PI4KA: variants seen among roughly 807,000 people sequenced by gnomAD.
PI4KA encodes phosphatidylinositol 4-kinase alpha, also known as PI4-kinase alpha.
Under a neutral mutation model 271.4 loss-of-function variants are expected in PI4KA, and 122 were observed. That is an observed-to-expected ratio of 0.45 (90% confidence interval 0.39 to 0.52). The LOEUF is 0.52. Among genes scored for constraint, PI4KA ranks in the 20% least tolerant of loss-of-function variants. The pLI is 0.00. For synonymous variants in PI4KA, 1,041 were observed against 1,078.8 expected (o/e 0.96, Z 0.69); for missense variants, 1,969 against 2,769.1 (o/e 0.71, Z 6.48).
intron 39 of PI4KA, 141 bp from the exon 40 acceptor site, chr22:20,728,005 C>T (rs1009409887): frequency 2.9e-5 from 17 of 576,462 alleles, no homozygotes; most frequent in Admixed American, 7.0e-5. Context: ...TGGGTACAAA[C>T]AAATAGAAAG....
At chr22:20,784,150 A>G (rs376934872) in intron 19 of PI4KA, 2 of 1,614,148 alleles carry the variant, frequency 1.2e-6, no homozygotes, top group South Asian at 1.1e-5. Context: ...TCAGCATGCT[A>G]ATTGTGGTCC....
intron 10 of PI4KA, among the ~76,000 whole-genome samples, chr22:20,805,938 T>C (rs1204165781): frequency 2.0e-5 from 3 of 152,080 alleles, no homozygotes; most frequent in East Asian, 1.9e-4. Context: ...CACCCTGAGT[T>C]TGAGAGACTT....
At chr22:20,762,830 T>C (rs2147384022) in intron 22 of PI4KA, among the ~76,000 whole-genome samples, 1 of 152,222 alleles carries the variant, frequency 6.6e-6, no homozygotes, top group Admixed American at 6.5e-5. Context: ...TTTTGCAAGA[T>C]TTTGTATAAA....
chr22:20,732,733 C>A (rs1368408662), intron 36 of PI4KA, among the ~76,000 whole-genome samples: 1 of 152,204 alleles, frequency 6.6e-6, no homozygotes, highest in South Asian at 2.1e-4. Flanking sequence ...AGGGAAAGTG[C>A]GGTGAGTGGA....
intron 8 of PI4KA, among the ~76,000 whole-genome samples, chr22:20,811,336 G>A (rs1920989078): frequency 6.6e-6 from 1 of 152,100 alleles, no homozygotes; most frequent in Non-Finnish European, 1.5e-5. Context: ...CTCAGGCCTT[G>A]CTGCCATTTC....
intron 45 of PI4KA, among the ~76,000 whole-genome samples, chr22:20,716,195 C>A (rs1005910347): frequency 6.6e-6 from 1 of 152,170 alleles, no homozygotes; most frequent in Non-Finnish European, 1.5e-5. Flanking sequence ...GGACTACAGG[C>A]GCCCGCCACC....
chr22:20,737,178 T>A lies in PI4KA; in HGVS notation c.3742-2625A>T, dbSNP rs1601369486. The stretch of plus-strand genomic sequence containing the variant: ...GTACCCAGGCAGGGAGGAGGAGCCC[T>A]GGGGCATGCCAGTACTGAGAAGGCC... On this transcript the variant is annotated intron_variant, in intron 32 of 54. Transcript: ENST00000255882. Among the ~76,000 whole-genome samples the A allele has an allele frequency of 2.0e-5, 3 of 152,280 alleles. No individual in the cohort carries two copies. The South Asian group carries it at 6.2e-4, about 32-fold the overall frequency.
chr22:20,781,533 C>T (rs1933799447), intron 19 of PI4KA, among the ~76,000 whole-genome samples: 1 of 152,236 alleles, frequency 6.6e-6, no homozygotes, highest in African/African-American at 2.4e-5. Context: ...CTGATCTGTC[C>T]ACACACCTGC....
At chr22:20,826,575 G>A (rs927869349) in intron 3 of PI4KA, among the ~76,000 whole-genome samples, 8 of 152,274 alleles carry the variant, frequency 5.3e-5, no homozygotes, top group South Asian at 4.1e-4. Context: ...CCAATAATGG[G>A]ATTGCTGGGT....
At position 20,707,697 on chromosome 22, in the gene PI4KA, C is replaced by T. The variant is rs5760136; in HGVS notation, c.*350G>A. 0.16 allele frequency: 54,337 copies of T among 336,990 alleles called. 5,040 individuals carry two copies. The highest frequency in any genetic ancestry group is 0.28 in the Middle Eastern group (279 of 992). 20.9% of individuals were successfully genotyped at this position (336,990 alleles called of 1,614,324 possible). ...TGACACAAAACCTCACAGATTCCAA[C>T]ACAGCACTATTTTGGGTTTTTATTT... On this transcript the variant is annotated 3_prime_UTR_variant, in exon 55 of 55. Coordinates refer to ENST00000255882, the MANE Select transcript of PI4KA (RefSeq NM_058004.4).
intron 39 of PI4KA, among the ~76,000 whole-genome samples, chr22:20,728,467 C>G (rs1351155243): frequency 6.6e-6 from 1 of 152,176 alleles, no homozygotes; most frequent in African/African-American, 2.4e-5. Context: ...AAAACCCCTG[C>G]CTCTTACTCC....
intron 23 of PI4KA, among the ~76,000 whole-genome samples, chr22:20,758,388 A>C (rs968075369): frequency 4.4e-5 from 3 of 67,630 alleles, no homozygotes; most frequent in Non-Finnish European, 8.6e-5. Flanking sequence ...AAAAAAAAAA[A>C]ACATGAGATT....
At chr22:20,792,431 A>AT (rs1934703437) in intron 19 of PI4KA, among the ~76,000 whole-genome samples, 1 of 152,290 alleles carries the variant, frequency 6.6e-6, no homozygotes, top group East Asian at 1.9e-4. Context: ...TACAAGGTGA[A>AT]GGGGACACAT....
At chr22:20,741,079 C>A (rs2147281204) in intron 32 of PI4KA, among the ~76,000 whole-genome samples, 1 of 152,204 alleles carries the variant, frequency 6.6e-6, no homozygotes, top group Non-Finnish European at 1.5e-5. Context: ...TTTTTTTGAA[C>A]AGAAACAACA....
chr22:20,714,376 A>C lies in PI4KA; in HGVS notation c.5461+82T>G, dbSNP rs1057303721. The C allele has an allele frequency of 2.0e-6, 3 of 1,511,046 alleles. No individual in the cohort carries two copies. The African/African-American group carries it at 4.2e-5, about 21-fold the overall frequency. The allele number at this position is 1,511,046 out of a possible 1,614,324, so 93.6% of individuals were successfully genotyped here. A position where few individuals can be genotyped will look rare whatever the true frequency, so the allele number is the denominator to read the frequency against. ...ATCATCTTTTATGGAGAGCTATACTAAATTTAACACATGCCAGAAGAAACT... is the reference window on the plus strand; with the variant it reads ...ATCATCTTTTATGGAGAGCTATACTCAATTTAACACATGCCAGAAGAAACT... On this transcript the variant is annotated intron_variant, in intron 47 of 54. Transcript: ENST00000255882.
chr22:20,799,258 G>T lies in PI4KA; in HGVS notation c.1839C>A (p.Pro613=), dbSNP rs143198544. The stretch of plus-strand genomic sequence containing the variant: ...GTCCCAAGGCTCGGATTGTGTGGTC[G>T]GGAATCAAGTGAGCGTCCCTACAGA... ...QESDKDAHLI[P]DHTIRALGHI... Residue 613 remains proline, a synonymous_variant, in exon 16 of 55, where the codon CCC becomes CCA. Transcript: ENST00000255882. 4.7e-5 allele frequency: 71 copies of T among 1,526,662 alleles called. No homozygotes were observed. The highest frequency in any genetic ancestry group is 5.4e-5 in the Non-Finnish European group (62 of 1,139,700). 94.6% of individuals were successfully genotyped at this position (1,526,662 alleles called of 1,614,324 possible). A position where few individuals can be genotyped will look rare whatever the true frequency, so the allele number is the denominator to read the frequency against.
chr22:20,750,004 G>C lies in PI4KA; in HGVS notation c.3154-10C>G. 1 of 1,592,916 alleles carries C rather than the reference G, an allele frequency of 6.3e-7. No individual in the cohort carries two copies. The highest frequency in any genetic ancestry group is 8.6e-7 in the Non-Finnish European group (1 of 1,160,914). On this transcript the variant is annotated splice_polypyrimidine_tract_variant and intron_variant, in intron 27 of 54. Transcript: ENST00000255882. The stretch of plus-strand genomic sequence containing the variant: ...AGTCCTTCACAATGCTCTGGAAGAG[G>C]GTGAAGCTGCTTCTCAACAACCCGA...
At chr22:20,752,586 T>G (rs894333196) in intron 25 of PI4KA, among the ~76,000 whole-genome samples, 1 of 152,210 alleles carries the variant, frequency 6.6e-6, no homozygotes, top group Non-Finnish European at 1.5e-5. Flanking sequence ...AGGGGACCTC[T>G]GGCTGGGCCC....
intron 13 of PI4KA, among the ~76,000 whole-genome samples, chr22:20,802,593 T>G (rs779447747): frequency 6.6e-6 from 1 of 152,208 alleles, no homozygotes; most frequent in Non-Finnish European, 1.5e-5. Context: ...CGGAATGCAG[T>G]GGCGCTATCA....
Sources: gnomAD v4.1 joint callset for allele counts (sites outside exome capture counted in the v4.1 genomes callset) on GRCh38, gnomAD v4.1.1 for gene constraint, MANE v1.5 for transcripts, NCBI Gene and HGNC (gene_info 2026-07-23, HGNC 2026-07-21) for gene names.